Variants in AMPD2 observed in about 807,000 individuals in gnomAD.
AMPD2 encodes the protein adenosine monophosphate deaminase 2, also known as AMP deaminase 2.
In AMPD2, 52 loss-of-function variants were observed where a neutral mutation model predicts 91.3. That is an observed-to-expected ratio of 0.57 (90% CI 0.46 to 0.72). AMPD2 has a LOEUF of 0.72. Ranked by LOEUF, AMPD2 falls within the 30% of genes least tolerant of loss-of-function variation. The pLI, the probability that AMPD2 is intolerant of heterozygous loss-of-function variation, is 0.00. For missense variants in AMPD2, 822 were observed against 1,122.3 expected, an observed-to-expected ratio of 0.73 and a Z score of 3.82; for synonymous variants, 455 against 456.4, an observed-to-expected ratio of 1.00 and a Z score of 0.04.
At chr1:109,629,636 C>A in intron 15 of AMPD2, 146 bp downstream of exon 15, 1 of 1,430,748 alleles carries the variant, frequency 7.0e-7, no homozygotes, top group Non-Finnish European at 9.5e-7. Context: ...GGAGCTACAT[C>A]TGTCACCCCT....
chr1:109,620,470 C>T (rs1650148860), intron 1 of AMPD2, 192 bp downstream of exon 1: 1 of 1,187,706 alleles, frequency 8.4e-7, no homozygotes. Context: ...GCTAGGGTCT[C>T]TGTCCCAGAC....
chr1:109,622,753 C>T (rs1650365656), intron 2 of AMPD2, among the ~76,000 whole-genome samples: 1 of 152,048 alleles, frequency 6.6e-6, no homozygotes, highest in East Asian at 1.9e-4. Context: ...TGAGACCCCC[C>T]TGCTAGGAGA....
rs1650558368 is a variant in AMPD2, at chr1:109,625,241, G to T, written c.92-62G>T. ...TCGGGAGCTGGCCTAGGCAGGGCAG[G>T]GGCCCAGGGCTTTCAGGGGCTGCCC... is the stretch of plus-strand genomic sequence containing the variant. On this transcript the variant is annotated intron_variant, in intron 2 of 18. Coordinates refer to ENST00000528667, the MANE Select transcript of AMPD2 (RefSeq NM_001368809.2). This position sits in a 1 kb window ranked among gnomAD's most constrained non-coding sequence, Gnocchi z 4.0. The T allele has an allele frequency of 1.9e-6, 3 of 1,584,878 alleles. No homozygotes were observed. The Admixed American group carries it at 5.2e-5, about 27-fold the overall frequency.
In AMPD2 at chr1:109,626,850, T is replaced by C. The variant is rs1462140682; in HGVS notation, c.656T>C (p.Leu219Pro). The part of the protein sequence containing the change: ...CPTTRRYLQQ[L>P]AEKPLETRTY... Reference sequence around the variant, plus strand: ...ACCACCCGCCGCTACCTGCAGCAGCTGGCTGAAAAGCCTCTGGAGACCCGG... The same window carrying C: ...ACCACCCGCCGCTACCTGCAGCAGCCGGCTGAAAAGCCTCTGGAGACCCGG... Residue 219 changes from leucine (L) to proline (P), a missense_variant, in exon 7 of 19, where the codon CTG becomes CCG. Transcript: ENST00000528667. 2.5e-6 allele frequency: 4 copies of C among 1,613,926 alleles called. No individual in the cohort carries two copies. The highest frequency in any genetic ancestry group is 3.4e-6 in the Non-Finnish European group (4 of 1,179,918).
chr1:109,629,956 A>G, intron 16 of AMPD2, 40 bp downstream of exon 16: 1 of 1,566,060 alleles, frequency 6.4e-7, no homozygotes, highest in East Asian at 2.3e-5. Context: ...CCAATTGTTC[A>G]CCTTCCTCTG....
rs2777905 is a variant in AMPD2, at chr1:109,629,970, C to A, written c.1983+54C>A. 22,992 of 1,546,696 alleles carry A rather than the reference C, an allele frequency of 0.015. 185 individuals carry two copies. Among genetic ancestry groups the A allele is most frequent in the Non-Finnish European group, 0.017 (19,548 of 1,143,992 alleles). On this transcript the variant is annotated intron_variant, in intron 16 of 18. Coordinates refer to ENST00000528667, the MANE Select transcript of AMPD2 (RefSeq NM_001368809.2). ...CCCAATTGTTCACCTTCCTCTGAACCATTCGGGCCCCTTCAGCAACCGATC... is the reference window on the plus strand; with the variant it reads ...CCCAATTGTTCACCTTCCTCTGAACAATTCGGGCCCCTTCAGCAACCGATC...
chr1:109,622,924 T>C (rs1650378761), intron 2 of AMPD2, among the ~76,000 whole-genome samples: 1 of 152,108 alleles, frequency 6.6e-6, no homozygotes, highest in African/African-American at 2.4e-5. Flanking sequence ...AGAAAAGATC[T>C]TACACTCTGG....
chr1:109,626,476 TG>T, intron 6 of AMPD2, 49 bp downstream of exon 6: 1 of 1,517,692 alleles, frequency 6.6e-7, no homozygotes, highest in Non-Finnish European at 8.9e-7. Context: ...TATGTCTTAG[TG>T]GGTTCCCCCA....
chr1:109,620,198 C>A lies in AMPD2; in HGVS notation c.-343C>A. The A allele has an allele frequency of 6.2e-7, 1 of 1,608,826 alleles. No individual in the cohort carries two copies. The highest frequency in any genetic ancestry group is 1.1e-5 in the South Asian group (1 of 90,946). On this transcript the variant is annotated 5_prime_UTR_variant, in exon 1 of 19. Coordinates refer to ENST00000528667, the MANE Select transcript of AMPD2 (RefSeq NM_001368809.2). ...GGGGTCTGTGGCCCGATCCCCCTGC[C>A]GTCCCTCAGGACCCGGGCTTTCTGC...
chr1:109,627,438 G>C lies in AMPD2; in HGVS notation c.870G>C (p.Glu290Asp), dbSNP rs1650802786. The change falls in exon 9 of 19, where the codon GAG becomes GAC. Residue 290 changes from glutamate (E) to aspartate (D), a missense_variant. By Grantham distance (45) the Glu-to-Asp change is conservative (BLOSUM62 2). Transcript: ENST00000528667. The part of the protein sequence containing the change: ...TRREPDEHCS[E>D]VELPYPDLQE... ...CTCCCCTCCATGCCAGTTGCTCAGA[G>C]GTGGAGCTGCCATACCCTGACCTGC... The C allele has an allele frequency of 1.2e-6, 2 of 1,613,996 alleles. No individual in the cohort carries two copies. Among genetic ancestry groups the C allele is most frequent in the Non-Finnish European group, 8.5e-7 (1 of 1,180,002 alleles).
intron 17 of AMPD2, 83 bp downstream of exon 17, chr1:109,630,489 G>T: frequency 4.4e-6 from 2 of 456,678 alleles, no homozygotes; most frequent in African/African-American, 2.1e-5. Flanking sequence ...GGTGGGGGGG[G>T]CGGTCTCTCG....
intron 2 of AMPD2, 173 bp downstream of exon 2, chr1:109,621,439 T>A: frequency 8.2e-6 from 1 of 121,628 alleles, no homozygotes; most frequent in Non-Finnish European, 1.7e-5. Context: ...TGAGGGGTGG[T>A]GGGGGGCGGG....
rs1228939686 is a variant in AMPD2, at chr1:109,631,328, C to T, written c.*176C>T. On this transcript the variant is annotated 3_prime_UTR_variant, in exon 19 of 19. Transcript: ENST00000528667. ...AGTGAAAGCAAAGCCTGGGAATCTG[C>T]TCATTGTTGTTTGGGCTCAGGTATT... 1.4e-6 allele frequency: 1 copy of T among 697,696 alleles called. No individual in the cohort carries two copies. The allele number at this position is 697,696 out of a possible 1,614,324, so 43.2% of individuals were successfully genotyped here.
Position 109,631,562 on chromosome 1 carries a change from AG to A in AMPD2, c.*411del. The A allele has an allele frequency of 2.2e-5, 6 of 267,360 alleles. No individual in the cohort carries two copies. Among genetic ancestry groups the A allele is most frequent in the South Asian group, 8.2e-5 (2 of 24,458 alleles). The allele number at this position is 267,360 out of a possible 1,614,324, so 16.6% of individuals were successfully genotyped here. ...GTTTAGGCCCCTGTCTTGTTCATGT[AG>A]CCGAGGGGCAGGCGGGGGACCTCTA... On this transcript the variant is annotated 3_prime_UTR_variant, in exon 19 of 19. Transcript: ENST00000528667.
Position 109,630,359 on chromosome 1 carries a change from A to C in AMPD2, c.2110A>C (p.Met704Leu), listed in dbSNP as rs1477045999. 17 of 1,613,184 alleles carry C rather than the reference A, an allele frequency of 1.1e-5. No homozygotes were observed. The highest frequency in any genetic ancestry group is 1.4e-5 in the Non-Finnish European group (17 of 1,179,776). The change falls in exon 17 of 19, where the codon ATG becomes CTG. Residue 704 changes from methionine (M) to leucine (L), a missense_variant. Transcript: ENST00000528667. ...PLPEYLSRGL[M>L]VSLSTDDPLQ... ...ACCGGAGTACCTGTCCCGCGGCCTC[A>C]TGGTCTCCCTGTCCACTGATGATCC... is the stretch of plus-strand genomic sequence containing the variant.
At position 109,626,355 on chromosome 1, in the gene AMPD2, G is replaced by C. The variant is rs1470853094; in HGVS notation, c.459G>C (p.Arg153=). Residue 153 remains arginine, a synonymous_variant, in exon 6 of 19, where the codon CGG becomes CGC. Coordinates refer to ENST00000528667, the MANE Select transcript of AMPD2 (RefSeq NM_001368809.2). The stretch of plus-strand genomic sequence containing the variant: ...AACAGGGTGAGGGGCAGGGTGACCG[G>C]AGCCTGCGGGAGCGTGATGTGCTGG... The part of the protein sequence containing the change: ...YKEQGEGQGD[R]SLRERDVLER... 6.2e-7 allele frequency: 1 copy of C among 1,612,506 alleles called. No homozygotes were observed. The highest frequency in any genetic ancestry group is 1.7e-5 in the Admixed American group (1 of 59,618).
At chr1:109,626,121 C>T (rs2101156458) in intron 4 of AMPD2, 39 bp from the exon 5 acceptor site, 1 of 1,611,934 alleles carries the variant, frequency 6.2e-7, no homozygotes, top group Non-Finnish European at 8.5e-7. Context: ...AGGGCCGTCC[C>T]TCGGGATCTG....
Position 109,619,864 on chromosome 1 carries a change from G to A in AMPD2, c.-677G>A, listed in dbSNP as rs886217079. 5.0e-6 allele frequency: 1 copy of A among 201,188 alleles called. No homozygotes were observed. The highest frequency in any genetic ancestry group is 2.4e-5 in the African/African-American group (1 of 41,852). The allele number at this position is 201,188 out of a possible 1,614,324, so 12.5% of individuals were successfully genotyped here. On this transcript the variant is annotated 5_prime_UTR_variant, in exon 1 of 19. Coordinates refer to ENST00000528667, the MANE Select transcript of AMPD2 (RefSeq NM_001368809.2). Reference sequence around the variant, plus strand: ...GGGCCGCAGAGCCTGGCGCGGAGCCGGCGAGATTTTGGTGGGGTCTCACCT... The same window carrying A: ...GGGCCGCAGAGCCTGGCGCGGAGCCAGCGAGATTTTGGTGGGGTCTCACCT...
chr1:109,629,258 G>A (rs1650990061), intron 14 of AMPD2, 23 bp downstream of exon 14: 2 of 1,614,062 alleles, frequency 1.2e-6, no homozygotes. Context: ...CGCAGAGCTG[G>A]GTATGGGGAG....
Sources: allele counts gnomAD v4.1 joint callset (sites outside exome capture counted in the v4.1 genomes callset), GRCh38; gene constraint gnomAD v4.1.1; non-coding constraint Gnocchi (gnomAD v3.1); transcripts MANE v1.5; gene names NCBI Gene and HGNC (gene_info 2026-07-23, HGNC 2026-07-21).